Variants in ANKRD30B observed in about 807,000 individuals in gnomAD.
ANKRD30B encodes the protein ankyrin repeat domain-containing protein 30B.
In ANKRD30B, 144 loss-of-function variants were observed where a neutral mutation model predicts 202.2. The ratio of observed to expected loss-of-function variants is 0.71; its 90% CI spans 0.62 to 0.82. ANKRD30B has a LOEUF of 0.82. Among genes scored for constraint, ANKRD30B ranks in the 40% least tolerant of loss-of-function variants. The pLI is 0.00. For missense variants in ANKRD30B, 1,487 were observed against 1,669.1 expected, an observed-to-expected ratio of 0.89 and a Z score of 1.90; for synonymous variants, 508 against 561.3, an observed-to-expected ratio of 0.91 and a Z score of 1.34.
chr18:14,940,876 G>A, the ANKRD30B span, among the ~76,000 whole-genome samples: 2 of 152,164 alleles, frequency 1.3e-5, no homozygotes, highest in African/African-American at 4.8e-5. Flanking sequence ...CATTGCAAGA[G>A]CTAAATCCGG....
chr18:14,828,190 G>T lies in ANKRD30B; in HGVS notation c.2744-88G>T. On this transcript the variant is annotated intron_variant, in intron 32 of 43. Coordinates refer to ENST00000690538, the MANE Select transcript of ANKRD30B (RefSeq NM_001367607.2). The stretch of plus-strand genomic sequence containing the variant: ...CCCAAGTAGCTGGGATTACAGGCAT[G>T]TGCCATCGTGCCCTCTTATGTTTTT... 6.2e-6 allele frequency: 6 copies of T among 966,558 alleles called. No individual in the cohort carries two copies. The Admixed American group carries it at 1.3e-4, about 20-fold the overall frequency. The allele number at this position is 966,558 out of a possible 1,614,324, so 59.9% of individuals were successfully genotyped here.
chr18:14,931,022 C>T, the ANKRD30B span, among the ~76,000 whole-genome samples: 1 of 152,174 alleles, frequency 6.6e-6, no homozygotes, highest in Non-Finnish European at 1.5e-5. Context: ...TATGCTGGCC[C>T]AGCAATCAGC....
chr18:14,834,312 TA>T (rs562467116), intron 34 of ANKRD30B, among the ~76,000 whole-genome samples: 136 of 151,982 alleles, frequency 8.9e-4, no homozygotes, highest in East Asian at 3.5e-3. Context: ...TAATTTTGAT[TA>T]AAAAAAATCT....
At chr18:14,873,543 A>G in the ANKRD30B span, among the ~76,000 whole-genome samples, 1 of 151,494 alleles carries the variant, frequency 6.6e-6, no homozygotes, top group East Asian at 1.9e-4. Context: ...AAAAAAAAAA[A>G]AAGAGAGAAT....
intron 41 of ANKRD30B, 93 bp downstream of exon 41, chr18:14,850,475 G>A (rs1003257807): frequency 1.2e-4 from 144 of 1,246,638 alleles, no homozygotes; most frequent in Non-Finnish European, 1.5e-4. Context: ...TGTTATTCAG[G>A]TCTAAATCAA....
At chr18:14,766,842 T>A (rs1223314064) in intron 7 of ANKRD30B, among the ~76,000 whole-genome samples, 3 of 152,232 alleles carry the variant, frequency 2.0e-5, no homozygotes, top group African/African-American at 7.2e-5. Flanking sequence ...GAGCAGTGGC[T>A]AATGAAAAGT....
At chr18:14,763,177 A>G (rs187777828) in intron 6 of ANKRD30B, among the ~76,000 whole-genome samples, 100 of 152,132 alleles carry the variant, frequency 6.6e-4, no homozygotes, top group African/African-American at 2.3e-3. Context: ...TATAATTATT[A>G]CTTACTATGT....
Position 14,851,712 on chromosome 18 carries a change from A to G in ANKRD30B, c.3768A>G (p.Val1256=), listed in dbSNP as rs1220653908. ...QMTLKLKQKT[V]TKRASQYREQ... ...CCCTAAAACTGAAACAGAAAACAGTAACAAAAAGGGCATCTCAGTATAGAG... is the reference window on the plus strand; with the variant it reads ...CCCTAAAACTGAAACAGAAAACAGTGACAAAAAGGGCATCTCAGTATAGAG... Residue 1256 remains valine (V), a synonymous_variant, in exon 42 of 44, where the codon GTA becomes GTG. Coordinates refer to ENST00000690538, the MANE Select transcript of ANKRD30B (RefSeq NM_001367607.2). 6.2e-7 allele frequency: 1 copy of G among 1,610,912 alleles called. No homozygotes were observed. Among genetic ancestry groups the G allele is most frequent in the Non-Finnish European group, 8.5e-7 (1 of 1,178,736 alleles).
Position 14,797,079 on chromosome 18 carries a change from G to A in ANKRD30B, c.1928-582G>A, listed in dbSNP as rs565454845. On this transcript the variant is annotated intron_variant, in intron 18 of 43. Coordinates refer to ENST00000690538, the MANE Select transcript of ANKRD30B (RefSeq NM_001367607.2). The stretch of plus-strand genomic sequence containing the variant: ...GGTTACAAACAATCCATAGAAACAG[G>A]ATGTGAAGCTAGACAACTGGGTAGA... 2.2e-4 allele frequency among the ~76,000 whole-genome samples: 34 copies of A among 152,250 alleles called. No homozygotes were observed. In the East Asian group the frequency reaches 5.8e-3, roughly 26 times the overall value.
At position 14,763,809 on chromosome 18, in the gene ANKRD30B, C is replaced by G. The variant is rs1357474069; in HGVS notation, c.944C>G (p.Ala315Gly). The change falls in exon 7 of 44, where the codon GCC becomes GGC. Residue 315 changes from alanine to glycine, a missense_variant. By Grantham distance (60) the Ala-to-Gly change is moderately conservative (BLOSUM62 0). Transcript: ENST00000690538. The part of the protein sequence containing the change: ...EAARLVEGTS[A>G]KIQCLGKATS... Reference sequence around the variant, plus strand: ...GCACGCTTGGTGGAGGGAACGTCTGCCAAAATTCAATGTCTGGGGAAAGCA... The same window carrying G: ...GCACGCTTGGTGGAGGGAACGTCTGGCAAAATTCAATGTCTGGGGAAAGCA... The G allele has an allele frequency of 6.2e-7, 1 of 1,613,666 alleles. No individual in the cohort carries two copies. Among genetic ancestry groups the G allele is most frequent in the Non-Finnish European group, 8.5e-7 (1 of 1,179,848 alleles).
chr18:14,886,542 G>C, the ANKRD30B span, among the ~76,000 whole-genome samples: 1 of 151,792 alleles, frequency 6.6e-6, no homozygotes, highest in Non-Finnish European at 1.5e-5. Context: ...CTATGTAATT[G>C]GTATAACTCC....
At position 14,799,306 on chromosome 18, in the gene ANKRD30B, C is replaced by T. The variant is rs1246788919; in HGVS notation, c.2131+11C>T. 2.1e-5 allele frequency: 32 copies of T among 1,516,236 alleles called. No homozygotes were observed. In the East Asian group the frequency reaches 2.7e-4, roughly 13 times the overall value. 93.9% of individuals were successfully genotyped at this position (1,516,236 alleles called of 1,614,324 possible). ...AAACATTCAAAGCAGGTAAATTTTG[C>T]AATTTTAATTTTACTCTGGAATTAA... On this transcript the variant is annotated intron_variant, in intron 22 of 43. Transcript: ENST00000690538.
chr18:14,760,500 G>GT, intron 5 of ANKRD30B, 54 bp from the exon 6 acceptor site: 4 of 1,030,686 alleles, frequency 3.9e-6, no homozygotes, highest in Non-Finnish European at 5.7e-6. Flanking sequence ...TTTGGTAAAT[G>GT]TTTTTTATAT....
the ANKRD30B span, among the ~76,000 whole-genome samples, chr18:14,870,381 C>G: frequency 2.0e-5 from 3 of 152,366 alleles, no homozygotes; most frequent in South Asian, 6.2e-4. Flanking sequence ...GCTGTGCCCT[C>G]CACCAGCACT....
At chr18:14,910,986 A>G in the ANKRD30B span, among the ~76,000 whole-genome samples, 3 of 151,740 alleles carry the variant, frequency 2.0e-5, no homozygotes, top group South Asian at 2.1e-4. Context: ...TTTTATTCTC[A>G]TTGAACTGTT....
chr18:14,872,713 C>T, the ANKRD30B span, among the ~76,000 whole-genome samples: 1 of 152,160 alleles, frequency 6.6e-6, no homozygotes, highest in South Asian at 2.1e-4. Context: ...GCTCCCCACA[C>T]ATGGAATCTG....
At chr18:14,752,146 A>T (rs1340131447) in intron 1 of ANKRD30B, among the ~76,000 whole-genome samples, 1 of 152,176 alleles carries the variant, frequency 6.6e-6, no homozygotes, top group Non-Finnish European at 1.5e-5. Flanking sequence ...ATAATATCTA[A>T]CAATTACTTA....
Position 14,852,097 on chromosome 18 carries a change from A to G in ANKRD30B, c.4153A>G (p.Arg1385Gly). The G allele has an allele frequency of 6.2e-7, 1 of 1,609,136 alleles. No homozygotes were observed. ...TGCATTGGTTTCAGAACATGCACAA[A>G]GAGACCGATGTGAAACACAGTGTCA... is the stretch of plus-strand genomic sequence containing the variant. ...ENALVSEHAQ[R>G]DRCETQCQMK... The change falls in exon 42 of 44, where the codon AGA becomes GGA. Residue 1385 changes from arginine (R) to glycine (G), a missense_variant. Around this residue, in one of 6 missense-constraint regions of ANKRD30B, gnomAD observed 182 missense variants for 216.0 expected, o/e 0.84. Coordinates refer to ENST00000690538, the MANE Select transcript of ANKRD30B (RefSeq NM_001367607.2).
At chr18:14,817,372 A>G in intron 30 of ANKRD30B, among the ~76,000 whole-genome samples, 1 of 152,192 alleles carries the variant, frequency 6.6e-6, no homozygotes, top group East Asian at 1.9e-4. Flanking sequence ...TTATAAAAAT[A>G]AAAGTAATAA....
Sources: gnomAD v4.1 joint callset for allele counts (sites outside exome capture counted in the v4.1 genomes callset) on GRCh38, gnomAD v4.1.1 for gene constraint, gnomAD v4.1.1 regional missense constraint, MANE v1.5 for transcripts, NCBI Gene and HGNC (gene_info 2026-07-23, HGNC 2026-07-21) for gene names.